NRP2: variants seen among roughly 807,000 people sequenced by gnomAD.
NRP2 encodes neuropilin 2.
Under a neutral mutation model 110.4 loss-of-function variants are expected in NRP2, and 52 were observed. The ratio of observed to expected loss-of-function variants is 0.47; its 90% CI spans 0.38 to 0.59. The LOEUF is 0.59. Among genes scored for constraint, NRP2 ranks in the 20% least tolerant of loss-of-function variants. The probability of loss-of-function intolerance (pLI) is 0.00; values close to 1 mark genes in which losing one functional copy is unlikely to be tolerated. For missense variants in NRP2, 1,049 were observed against 1,203.0 expected, an observed-to-expected ratio of 0.87 and a Z score of 1.89; for synonymous variants, 508 against 468.9, an observed-to-expected ratio of 1.08 and a Z score of -1.08.
intron 12 of NRP2, among the ~76,000 whole-genome samples, chr2:205,762,927 A>G (rs2057848013): frequency 6.6e-6 from 1 of 152,230 alleles, no homozygotes; most frequent in African/African-American, 2.4e-5. Flanking sequence ...GAACACATAT[A>G]TTCTCTGCTA....
At chr2:205,789,279 T>C (rs1441795835) in intron 15 of NRP2, among the ~76,000 whole-genome samples, 1 of 152,202 alleles carries the variant, frequency 6.6e-6, no homozygotes, top group African/African-American at 2.4e-5. Context: ...CAGGCTGACC[T>C]GAGACTGAAT....
chr2:205,726,275 G>A (rs759991392), intron 6 of NRP2, among the ~76,000 whole-genome samples, 193 bp downstream of exon 6: 5 of 152,212 alleles, frequency 3.3e-5, no homozygotes, highest in African/African-American at 9.7e-5. Flanking sequence ...CTGATCAGAG[G>A]GAGCCTGCCC....
intron 7 of NRP2, among the ~76,000 whole-genome samples, chr2:205,736,195 A>G (rs2057338545): frequency 1.3e-5 from 2 of 152,044 alleles, no homozygotes; most frequent in African/African-American, 4.8e-5. Flanking sequence ...TATAAAAATT[A>G]GCCAGGCTTG....
At chr2:205,736,955 AG>A (rs2057354823) in intron 7 of NRP2, among the ~76,000 whole-genome samples, 1 of 152,258 alleles carries the variant, frequency 6.6e-6, no homozygotes, top group African/African-American at 2.4e-5. Context: ...AGCTATAAAT[AG>A]GGGAGATGCA....
In NRP2 at chr2:205,795,182, G is replaced by A; in HGVS notation, c.*124G>A. The A allele has an allele frequency of 6.0e-6, 6 of 992,060 alleles. No homozygotes were observed. Among genetic ancestry groups the A allele is most frequent in the South Asian group, 4.2e-5 (3 of 72,156 alleles). 61.5% of individuals were successfully genotyped at this position (992,060 alleles called of 1,614,324 possible). A position where few individuals can be genotyped will look rare whatever the true frequency, so the allele number is the denominator to read the frequency against. ...GATCAAACCGATCCAGAATACCGAAGGTATGGACAGGACAGAAAAGCGAGT... is the reference window on the plus strand; with the variant it reads ...GATCAAACCGATCCAGAATACCGAAAGTATGGACAGGACAGAAAAGCGAGT... On this transcript the variant is annotated 3_prime_UTR_variant, in exon 17 of 17. Coordinates refer to ENST00000357785, the MANE Select transcript of NRP2 (RefSeq NM_003872.3).
At chr2:205,700,450 G>A (rs1425261042) in intron 2 of NRP2, among the ~76,000 whole-genome samples, 1 of 152,212 alleles carries the variant, frequency 6.6e-6, no homozygotes, top group African/African-American at 2.4e-5. Flanking sequence ...CTCAGCTGTG[G>A]AGACAGAGCA....
chr2:205,772,694 G>A (rs1470461173), intron 15 of NRP2, among the ~76,000 whole-genome samples: 2 of 152,230 alleles, frequency 1.3e-5, no homozygotes, highest in African/African-American at 4.8e-5. Context: ...AGGCAAGGTT[G>A]AATTCTCACC....
At chr2:205,726,232 T>A in intron 6 of NRP2, 150 bp downstream of exon 6, 1 of 864,418 alleles carries the variant, frequency 1.2e-6, no homozygotes, top group East Asian at 2.6e-5. Flanking sequence ...AACAGATGTG[T>A]ATGCCAGGCA....
rs2056891073 is a variant in NRP2, at chr2:205,716,197, G to A, written c.256G>A (p.Asp86Asn). 1.2e-6 allele frequency: 2 copies of A among 1,614,180 alleles called. No individual in the cohort carries two copies. The highest frequency in any genetic ancestry group is 1.7e-6 in the Non-Finnish European group (2 of 1,180,026). The change falls in exon 3 of 17, where the codon GAC becomes AAC. Residue 86 changes from aspartate (D) to asparagine (N), a missense_variant. Physicochemically the swap from Asp to Asn is conservative, Grantham distance 23. Coordinates refer to ENST00000357785, the MANE Select transcript of NRP2 (RefSeq NM_003872.3). ...GTCTGTGCCATCCCCACCCAGGTAT[G>A]ACTTTATCGAGATTCGGGATGGGGA... ...FEIEKHDCKYDFIEIRDGDSE... is the reference protein window; with the variant it reads ...FEIEKHDCKYNFIEIRDGDSE...
chr2:205,722,248 A>G (rs1460794173), intron 3 of NRP2: 2 of 567,398 alleles, frequency 3.5e-6, no homozygotes, highest in African/African-American at 1.9e-5. Flanking sequence ...CAATTCCTCA[A>G]TTGCTGCTCT....
At chr2:205,722,251 G>C in intron 3 of NRP2, 1 of 521,452 alleles carries the variant, frequency 1.9e-6, no homozygotes, top group East Asian at 3.6e-5. Flanking sequence ...TTCCTCAATT[G>C]CTGCTCTCAC....
chr2:205,704,959 G>A (rs1030727311), intron 2 of NRP2, among the ~76,000 whole-genome samples: 3 of 152,200 alleles, frequency 2.0e-5, no homozygotes, highest in East Asian at 3.8e-4. Context: ...AGCTCCAGGT[G>A]TGGAGGGGAT....
At chr2:205,697,810 T>A (rs1460985624) in intron 2 of NRP2, 89 bp downstream of exon 2, 1 of 1,299,404 alleles carries the variant, frequency 7.7e-7, no homozygotes, top group African/African-American at 1.5e-5. Flanking sequence ...CTATCACCCC[T>A]CACCCCAAGA....
chr2:205,731,492 C>T (rs534028070), intron 7 of NRP2, among the ~76,000 whole-genome samples: 3 of 152,176 alleles, frequency 2.0e-5, no homozygotes, highest in African/African-American at 7.2e-5. Flanking sequence ...CATGATTCTG[C>T]ACTGGGGATA....
intron 7 of NRP2, among the ~76,000 whole-genome samples, chr2:205,733,940 G>A (rs1553584976): frequency 6.6e-6 from 1 of 152,034 alleles, no homozygotes; most frequent in Non-Finnish European, 1.5e-5. Context: ...AATCTAGCGG[G>A]CCCCGCAGGC....
chr2:205,786,077 G>A (rs2058232942), intron 15 of NRP2, among the ~76,000 whole-genome samples: 1 of 152,166 alleles, frequency 6.6e-6, no homozygotes, highest in South Asian at 2.1e-4. Context: ...CAAGTAGCCC[G>A]ACTTCTTAAC....
intron 2 of NRP2, among the ~76,000 whole-genome samples, chr2:205,711,093 A>G (rs1051805408): frequency 3.4e-4 from 52 of 152,252 alleles, no homozygotes; most frequent in African/African-American, 1.2e-3. Context: ...GCACAAAGAC[A>G]GAGAGTATAA....
chr2:205,687,039 G>A (rs2056185296), intron 1 of NRP2, among the ~76,000 whole-genome samples: 1 of 152,124 alleles, frequency 6.6e-6, no homozygotes, highest in South Asian at 2.1e-4. Flanking sequence ...ACATCGCTTG[G>A]GGCCAAAAGA....
intron 1 of NRP2, among the ~76,000 whole-genome samples, chr2:205,695,707 T>A (rs1348606719): frequency 1.3e-5 from 2 of 152,090 alleles, no homozygotes; most frequent in East Asian, 3.9e-4. Flanking sequence ...GCTAGTTGAG[T>A]AAGAGCAGCT....
Sources: allele counts gnomAD v4.1 joint callset (sites outside exome capture counted in the v4.1 genomes callset), GRCh38; gene constraint gnomAD v4.1.1; transcripts MANE v1.5; gene names NCBI Gene and HGNC (gene_info 2026-07-23, HGNC 2026-07-21).